Variants in MYO16 observed in about 807,000 individuals in gnomAD.
The protein encoded by MYO16 is unconventional myosin-XVI.
MYO16 carries 94 observed loss-of-function variants against 205.3 expected under a neutral mutation model. That is an observed-to-expected ratio of 0.46 (90% CI 0.39 to 0.54). The LOEUF is 0.54. Ranked by LOEUF, MYO16 falls within the 20% of genes least tolerant of loss-of-function variation. The probability of loss-of-function intolerance (pLI) is 0.00; values close to 1 mark genes in which losing one functional copy is unlikely to be tolerated. For missense variants in MYO16, 2,315 were observed against 2,387.5 expected, an observed-to-expected ratio of 0.97 and a Z score of 0.63; for synonymous variants, 988 against 954.0, an observed-to-expected ratio of 1.04 and a Z score of -0.66.
At position 108,698,852 on chromosome 13, in the gene MYO16, T is replaced by G. The variant is rs116700498; in HGVS notation, c.293-13809T>G. On this transcript the variant is annotated intron_variant, in intron 2 of 34. Coordinates refer to ENST00000457511, the MANE Select transcript of MYO16 (RefSeq NM_001198950.3). ...TTGACTAAGCAATAATCATCCATAA[T>G]ATTTATATGGTACCTTATTTCTCAC... 2.5e-3 allele frequency among the ~76,000 whole-genome samples: 383 copies of G among 152,304 alleles called. 1 individual carries two copies. Among genetic ancestry groups the G allele is most frequent in the Middle Eastern group, 0.01 (3 of 294 alleles).
rs398056863 is a variant in MYO16 at position 109,055,274 on chromosome 13, CAG to C, written c.3130-113_3130-112del. The C allele has an allele frequency of 3.8e-5, 33 of 872,138 alleles. No homozygotes were observed. Among genetic ancestry groups the C allele is most frequent in the Non-Finnish European group, 5.4e-5 (31 of 577,048 alleles). The allele number at this position is 872,138 out of a possible 1,614,324, so 54.0% of individuals were successfully genotyped here. ...ACACACACACACACACACACACACA[CAG>C]AGTAAATGCATAATGAGATTTAAAG... On this transcript the variant is annotated intron_variant, in intron 26 of 34. Transcript: ENST00000457511. This position sits in a 1 kb window ranked among gnomAD's most constrained non-coding sequence, Gnocchi z 5.0.
chr13:108,575,422 G>A, the MYO16 span, among the ~76,000 whole-genome samples: 1 of 152,082 alleles, frequency 6.6e-6, no homozygotes, highest in African/African-American at 2.4e-5. Context: ...GCTGCCAAAG[G>A]GACAGCTAGT....
intron 1 of MYO16, among the ~76,000 whole-genome samples, chr13:108,633,709 G>C (rs1880090894): frequency 6.6e-6 from 1 of 152,182 alleles, no homozygotes; most frequent in Admixed American, 6.5e-5. Context: ...TATTAAACAT[G>C]TTTTATGATA....
At chr13:108,718,152 A>C (rs1218267522) in intron 3 of MYO16, among the ~76,000 whole-genome samples, 1 of 152,170 alleles carries the variant, frequency 6.6e-6, no homozygotes, top group Non-Finnish European at 1.5e-5. Context: ...CTAGCAGAAA[A>C]TAATGTATTT....
At chr13:108,604,844 T>C (rs955982067) in intron 1 of MYO16, among the ~76,000 whole-genome samples, 1 of 152,220 alleles carries the variant, frequency 6.6e-6, no homozygotes, top group Non-Finnish European at 1.5e-5. Flanking sequence ...TTTCCACTTG[T>C]ATACCTCTGC....
chr13:109,161,166 T>C (rs1045277249), intron 32 of MYO16, among the ~76,000 whole-genome samples: 2 of 152,258 alleles, frequency 1.3e-5, no homozygotes, highest in African/African-American at 4.8e-5. Flanking sequence ...GGGATGTCGA[T>C]ACTGAAGCCG....
chr13:108,662,199 A>C (rs1006900680), intron 1 of MYO16, among the ~76,000 whole-genome samples: 1 of 152,224 alleles, frequency 6.6e-6, no homozygotes, highest in Non-Finnish European at 1.5e-5. Context: ...TGAAGGCTGC[A>C]GTGGACTGCA....
At chr13:109,022,671 T>A (rs1490838825) in intron 23 of MYO16, among the ~76,000 whole-genome samples, 1 of 65,130 alleles carries the variant, frequency 1.5e-5, no homozygotes, top group African/African-American at 4.7e-5. Flanking sequence ...TTATATATTA[T>A]ATATACACAT....
At chr13:108,785,475 G>T (rs1886428800) in intron 4 of MYO16, among the ~76,000 whole-genome samples, 160 bp from the exon 5 acceptor site, 1 of 152,116 alleles carries the variant, frequency 6.6e-6, no homozygotes, top group African/African-American at 2.4e-5. Flanking sequence ...TAATATATTT[G>T]TCTTAAAAAA....
chr13:108,867,891 T>C (rs554266976), intron 12 of MYO16, among the ~76,000 whole-genome samples: 20 of 152,316 alleles, frequency 1.3e-4, no homozygotes, highest in Admixed American at 4.6e-4. Flanking sequence ...GGTTGAACTT[T>C]ATATGGGTGA....
chr13:108,853,353 C>T (rs975140815), intron 10 of MYO16, among the ~76,000 whole-genome samples: 1 of 152,154 alleles, frequency 6.6e-6, no homozygotes, highest in Non-Finnish European at 1.5e-5. Context: ...AACTCCTGAA[C>T]GATTCAAGTA....
chr13:109,068,486 C>A (rs1276871539), intron 27 of MYO16, among the ~76,000 whole-genome samples: 4 of 145,700 alleles, frequency 2.7e-5, no homozygotes, highest in Non-Finnish European at 6.0e-5. Flanking sequence ...CATGGCTATA[C>A]GCCTGGGGTG....
rs1361992184 is a variant in MYO16 at position 109,162,524 on chromosome 13, A to T, written c.5165-2377A>T. 6.6e-6 allele frequency among the ~76,000 whole-genome samples: 1 copy of T among 152,144 alleles called. No homozygotes were observed. The highest frequency in any genetic ancestry group is 2.1e-4 in the South Asian group (1 of 4,824). ...AAATGCAACCTCATGGACCTCACCC[A>T]CCTTGCCTGGCTGCCCACCAGTGTT... On this transcript the variant is annotated intron_variant, in intron 32 of 34. Transcript: ENST00000457511. The surrounding 1 kb of genome is among the most constrained non-coding windows in gnomAD (Gnocchi z 4.6).
chr13:108,600,047 T>C (rs927466210), intron 1 of MYO16, among the ~76,000 whole-genome samples: 1 of 152,162 alleles, frequency 6.6e-6, no homozygotes, highest in African/African-American at 2.4e-5. Context: ...ACAAACAAAA[T>C]TATTCAGCTG....
Position 108,883,125 on chromosome 13 carries a change from T to C in MYO16, c.1492T>C (p.Cys498Arg), listed in dbSNP as rs1464700533. ...CSSLPPHLFSCVERAFHQLFR... is the reference protein window; with the variant it reads ...CSSLPPHLFSRVERAFHQLFR... ...CTCGCTGCCTCCTCACCTCTTCTCC[T>C]GTGTGGAGAGAGCCTTTCACCAGCT... Residue 498 changes from cysteine (C) to arginine (R), a missense_variant, in exon 13 of 35, where the codon TGT (cysteine) becomes CGT (arginine). Around this residue, in one of 3 missense-constraint regions of MYO16, gnomAD observed 1,213 missense variants for 1,274.4 expected, o/e 0.95. Coordinates refer to ENST00000457511, the MANE Select transcript of MYO16 (RefSeq NM_001198950.3). The C allele has an allele frequency of 3.1e-6, 5 of 1,613,942 alleles. No individual in the cohort carries two copies. In the Admixed American group the frequency reaches 5.0e-5, roughly 16 times the overall value.
chr13:108,727,031 C>T (rs866325743), intron 3 of MYO16, among the ~76,000 whole-genome samples: 2 of 150,522 alleles, frequency 1.3e-5, no homozygotes, highest in Middle Eastern at 3.2e-3. Flanking sequence ...AATAGTTACA[C>T]TTTATTCTTT....
chr13:108,546,418 T>C, the MYO16 span, among the ~76,000 whole-genome samples: 1 of 152,204 alleles, frequency 6.6e-6, no homozygotes, highest in Non-Finnish European at 1.5e-5. Context: ...GTTGGCAGTT[T>C]AAAGTGTGTA....
intron 16 of MYO16, among the ~76,000 whole-genome samples, chr13:108,951,419 A>G (rs1366379116): frequency 6.6e-6 from 1 of 152,144 alleles, no homozygotes; most frequent in African/African-American, 2.4e-5. Flanking sequence ...CTGATGATGA[A>G]CACTGTGAGG....
intron 27 of MYO16, among the ~76,000 whole-genome samples, chr13:109,081,181 A>C (rs1888270546): frequency 6.6e-6 from 1 of 152,204 alleles, no homozygotes; most frequent in African/African-American, 2.4e-5. Flanking sequence ...AATTCTTCAT[A>C]TGAAGCTACA....
Sources: gnomAD v4.1 joint callset for allele counts (sites outside exome capture counted in the v4.1 genomes callset) on GRCh38, gnomAD v4.1.1 for gene constraint, gnomAD v4.1.1 regional missense constraint, Gnocchi (gnomAD v3.1) non-coding constraint, MANE v1.5 for transcripts, NCBI Gene and HGNC (gene_info 2026-07-23, HGNC 2026-07-21) for gene names.